OSBPL10: variants seen among roughly 807,000 people sequenced by gnomAD.
OSBPL10 encodes oxysterol-binding protein-related protein 10.
A neutral mutation model predicts 81.7 loss-of-function variants in OSBPL10; 49 were observed. The observed-to-expected ratio is 0.60, with a 90% CI of 0.48 to 0.76. The LOEUF (loss-of-function observed/expected upper bound fraction) is 0.76. Among genes scored for constraint, OSBPL10 ranks in the 30% least tolerant of loss-of-function variants. The pLI is 0.00. For missense variants in OSBPL10, 923 were observed against 987.8 expected (o/e 0.93, Z 0.88); for synonymous variants, 419 against 383.6 (o/e 1.09, Z -1.08).
intron 2 of OSBPL10, among the ~76,000 whole-genome samples, chr3:31,876,884 A>C (rs114529499): frequency 6.6e-6 from 1 of 151,606 alleles, no homozygotes; most frequent in Admixed American, 6.6e-5. Context: ...TGTGTAGCTA[A>C]TATGAGTATC....
At chr3:31,845,698 C>G (rs1455035675) in intron 3 of OSBPL10, among the ~76,000 whole-genome samples, 3 of 152,030 alleles carry the variant, frequency 2.0e-5, no homozygotes, top group Admixed American at 1.3e-4. Flanking sequence ...AGAAAAAAGG[C>G]AAAAAGCAGT....
chr3:31,796,873 C>T (rs1411411006), intron 4 of OSBPL10, among the ~76,000 whole-genome samples: 1 of 152,102 alleles, frequency 6.6e-6, no homozygotes, highest in African/African-American at 2.4e-5. Context: ...GTAATAGACA[C>T]CTTTCCTCCC....
rs576377759 is a variant in OSBPL10, at chr3:31,690,181, TG to T, written c.1246-6068del. ...GGCCTGATGGGAGGTGATTGGATCA[TG>T]GGGGCACACTTCCCCTTGCTGTTCT... On this transcript the variant is annotated intron_variant, in intron 7 of 11. Transcript: ENST00000396556. Among the ~76,000 whole-genome samples, 57 of 152,236 alleles carry T rather than the reference TG, an allele frequency of 3.7e-4. 1 individual carries two copies. The South Asian group carries it at 9.1e-3, about 24-fold the overall frequency.
chr3:32,008,743 G>C (rs1699226872), intron 2 of OSBPL10, among the ~76,000 whole-genome samples: 1 of 135,252 alleles, frequency 7.4e-6, no homozygotes, highest in African/African-American at 2.9e-5. Flanking sequence ...CTGGGAGACA[G>C]AGTGAGATCC....
intron 2 of OSBPL10, among the ~76,000 whole-genome samples, chr3:31,988,339 A>G (rs775124252): frequency 3.9e-5 from 6 of 152,144 alleles, no homozygotes; most frequent in Non-Finnish European, 7.4e-5. Flanking sequence ...CTAGTGCAGT[A>G]ATGGGATGAG....
Position 31,777,887 on chromosome 3 carries a change from CATGCCTGACA to C in OSBPL10, c.730-29777_730-29768del, listed in dbSNP as rs1559460759. Among the ~76,000 whole-genome samples the C allele has an allele frequency of 1.1e-4, 17 of 152,374 alleles. 1 individual carries two copies. In the South Asian group the frequency reaches 3.5e-3, roughly 32 times the overall value. On this transcript the variant is annotated intron_variant, in intron 4 of 11. Transcript: ENST00000396556. ...TTCTCCAGCTCAAGCCCAGGGAAGCCATGCCTGACAATGTCTCACAGGGGCACTTGGGGAA... is the reference window on the plus strand; with the variant it reads ...TTCTCCAGCTCAAGCCCAGGGAAGCCATGTCTCACAGGGGCACTTGGGGAA...
chr3:31,779,616 T>A (rs947298266), intron 4 of OSBPL10, among the ~76,000 whole-genome samples: 1 of 152,068 alleles, frequency 6.6e-6, no homozygotes, highest in Non-Finnish European at 1.5e-5. Context: ...GGGGACTTCA[T>A]TACTCCACTG....
intron 1 of OSBPL10, among the ~76,000 whole-genome samples, chr3:31,947,386 G>C (rs1164995004): frequency 6.6e-6 from 1 of 152,178 alleles, no homozygotes; most frequent in East Asian, 1.9e-4. Context: ...AGTTCCCACA[G>C]CATCACTAAG....
intron 3 of OSBPL10, among the ~76,000 whole-genome samples, chr3:31,870,124 C>G (rs1052433027): frequency 1.5e-4 from 23 of 152,236 alleles, no homozygotes; most frequent in African/African-American, 2.9e-4. Context: ...TGTGGAGGGA[C>G]AGGCGCAAGG....
chr3:32,004,582 G>A (rs770820960), intron 2 of OSBPL10, among the ~76,000 whole-genome samples: 8 of 152,188 alleles, frequency 5.3e-5, no homozygotes, highest in South Asian at 2.1e-4. Context: ...CACATTCTTC[G>A]GTTCCTCTGC....
At chr3:31,984,010 C>T (rs1698898565), upstream of OSBPL10, among the ~76,000 whole-genome samples, 1 of 151,616 alleles carries the variant, frequency 6.6e-6, no homozygotes, top group Non-Finnish European at 1.5e-5. Context: ...CCTGAAAATT[C>T]AGAGCCTAAG....
At chr3:32,018,008 C>G (rs1273446482) in intron 2 of OSBPL10, among the ~76,000 whole-genome samples, 4 of 152,020 alleles carry the variant, frequency 2.6e-5, no homozygotes, top group Non-Finnish European at 4.4e-5. Flanking sequence ...ATTAGCTGGG[C>G]TTGGTGGCGG....
At chr3:31,945,983 A>G (rs1291714294) in intron 1 of OSBPL10, among the ~76,000 whole-genome samples, 1 of 131,326 alleles carries the variant, frequency 7.6e-6, no homozygotes, top group Non-Finnish European at 1.5e-5. Context: ...GTTTTGGTTT[A>G]TGCTTTTTTT....
intron 4 of OSBPL10, among the ~76,000 whole-genome samples, chr3:31,768,832 A>AT (rs1559456527): frequency 1.3e-5 from 2 of 152,206 alleles, no homozygotes; most frequent in Non-Finnish European, 2.9e-5. Flanking sequence ...ATCAAGCTCC[A>AT]TTTATTTCAC....
chr3:31,824,424 G>C (rs1209716559), intron 4 of OSBPL10, among the ~76,000 whole-genome samples: 1 of 152,146 alleles, frequency 6.6e-6, no homozygotes, highest in Non-Finnish European at 1.5e-5. Flanking sequence ...GTCGTGGTTA[G>C]GGCATCATAA....
chr3:32,030,352 C>A, intron 2 of OSBPL10: 1 of 529,766 alleles, frequency 1.9e-6, no homozygotes, highest in Non-Finnish European at 3.5e-6. Flanking sequence ...AAAAGGAATG[C>A]CCCACAAGAG....
chr3:31,901,940 G>A (rs934910219), intron 1 of OSBPL10, among the ~76,000 whole-genome samples: 1 of 152,134 alleles, frequency 6.6e-6, no homozygotes, highest in African/African-American at 2.4e-5. Flanking sequence ...TGAGACAGGA[G>A]AACTACTTTA....
chr3:32,000,011 G>A (rs573040613), intron 2 of OSBPL10, among the ~76,000 whole-genome samples: 1 of 152,226 alleles, frequency 6.6e-6, no homozygotes, highest in East Asian at 1.9e-4. Context: ...ATAACAGGGA[G>A]ATGATCTTTG....
At chr3:31,839,633 T>A in intron 3 of OSBPL10, among the ~76,000 whole-genome samples, 1 of 152,040 alleles carries the variant, frequency 6.6e-6, no homozygotes, top group Non-Finnish European at 1.5e-5. Context: ...CCAGGCTATC[T>A]GGGTAAGAGC....
Sources: gnomAD v4.1 joint callset for allele counts (sites outside exome capture counted in the v4.1 genomes callset) on GRCh38, gnomAD v4.1.1 for gene constraint, MANE v1.5 for transcripts, NCBI Gene and HGNC (gene_info 2026-07-23, HGNC 2026-07-21) for gene names.